Variants in NTNG2 observed in about 807,000 individuals in gnomAD.
NTNG2 encodes netrin G2.
NTNG2 carries 15 observed loss-of-function variants against 47.6 expected under a neutral mutation model. The observed-to-expected ratio is 0.32, with a 90% confidence interval of 0.21 to 0.49. The LOEUF (loss-of-function observed/expected upper bound fraction) is 0.49, where lower values mean the gene tolerates loss of function less well. Among genes scored for constraint, NTNG2 ranks in the 20% least tolerant of loss-of-function variants. NTNG2 has a pLI of 0.99. For synonymous variants in NTNG2, 307 were observed against 324.6 expected, an observed-to-expected ratio of 0.95 and a Z score of 0.58; for missense variants, 578 against 764.6, an observed-to-expected ratio of 0.76 and a Z score of 2.88.
chr9:132,191,498 G>C (rs1837883131), intron 2 of NTNG2, among the ~76,000 whole-genome samples: 1 of 152,166 alleles, frequency 6.6e-6, no homozygotes, highest in Non-Finnish European at 1.5e-5. Flanking sequence ...AGAGCTGAGA[G>C]GGAACTCAGG....
chr9:132,172,328 C>T lies in NTNG2; in HGVS notation c.213+5284C>T, dbSNP rs1224903919. On this transcript the variant is annotated intron_variant, in intron 2 of 7. Coordinates refer to ENST00000393229, the MANE Select transcript of NTNG2 (RefSeq NM_032536.4). ...GTCATCATCCTGCTTACTGACTGGCCTATCAGTGAAGAGTTCTGGCCCTAG... is the reference window on the plus strand; with the variant it reads ...GTCATCATCCTGCTTACTGACTGGCTTATCAGTGAAGAGTTCTGGCCCTAG... 2.0e-5 allele frequency among the ~76,000 whole-genome samples: 3 copies of T among 152,326 alleles called. No homozygotes were observed. In the East Asian group the frequency reaches 5.8e-4, roughly 29 times the overall value.
chr9:132,164,804 G>T (rs1345543318), intron 1 of NTNG2, among the ~76,000 whole-genome samples: 1 of 152,236 alleles, frequency 6.6e-6, no homozygotes, highest in Non-Finnish European at 1.5e-5. Context: ...AGGGGCAGGG[G>T]TCGCCCTAAC....
intron 2 of NTNG2, among the ~76,000 whole-genome samples, chr9:132,173,618 C>G (rs1174005209): frequency 6.6e-6 from 1 of 152,110 alleles, no homozygotes; most frequent in Non-Finnish European, 1.5e-5. Context: ...TCCAATCCCA[C>G]CTGCGATGGG....
intron 3 of NTNG2, among the ~76,000 whole-genome samples, chr9:132,220,805 A>C (rs1221069315): frequency 6.6e-6 from 1 of 152,044 alleles, no homozygotes; most frequent in Non-Finnish European, 1.5e-5. Context: ...ATTTTGAGTT[A>C]ATTTTTATAT....
intron 2 of NTNG2, among the ~76,000 whole-genome samples, chr9:132,194,891 G>A (rs1298522369): frequency 6.6e-6 from 1 of 152,244 alleles, no homozygotes; most frequent in Non-Finnish European, 1.5e-5. Context: ...GGTGGGGGCC[G>A]CGGGGCTGTG....
chr9:132,239,387 A>C, intron 6 of NTNG2, 116 bp downstream of exon 6: 2 of 975,192 alleles, frequency 2.1e-6, no homozygotes, highest in South Asian at 2.8e-5. Flanking sequence ...GACTGTGGGA[A>C]TTCTAACTCC....
intron 3 of NTNG2, among the ~76,000 whole-genome samples, chr9:132,210,579 G>C (rs1213177803): frequency 6.6e-6 from 1 of 152,214 alleles, no homozygotes; most frequent in African/African-American, 2.4e-5. Context: ...ACCCAGTTCT[G>C]CCTGGGCCAC....
chr9:132,174,321 C>CGGGA (rs1186957384), intron 2 of NTNG2, among the ~76,000 whole-genome samples: 2 of 130,120 alleles, frequency 1.5e-5, no homozygotes, highest in Non-Finnish European at 3.1e-5. Context: ...GACGGACGGA[C>CGGGA]GGACGGACAG....
Position 132,198,478 on chromosome 9 carries a change from C to T in NTNG2, c.726C>T (p.Gly242=), listed in dbSNP as rs1436740071. 4 of 1,610,418 alleles carry T rather than the reference C, an allele frequency of 2.5e-6. No homozygotes were observed. The highest frequency in any genetic ancestry group is 1.3e-5 in the African/African-American group (1 of 75,020). ...ACACGCGGCTGGAGAGCGCCAAGGG[C>T]CTCAAGGAGTTCTTCACCCTCACCG... ...NLYTRLESAK[G]LKEFFTLTDL... The change falls in exon 3 of 8, where the codon GGC becomes GGT. Residue 242 remains glycine (G), a synonymous_variant. Coordinates refer to ENST00000393229, the MANE Select transcript of NTNG2 (RefSeq NM_032536.4).
intron 2 of NTNG2, among the ~76,000 whole-genome samples, chr9:132,190,524 C>T (rs371038388): frequency 6.6e-6 from 1 of 152,196 alleles, no homozygotes; most frequent in East Asian, 1.9e-4. Flanking sequence ...GACCGCCCCT[C>T]CACGGCCTCC....
At position 132,167,004 on chromosome 9, in the gene NTNG2, G is replaced by A; in HGVS notation, c.173G>A (p.Gly58Asp). 5 of 1,614,266 alleles carry A rather than the reference G, an allele frequency of 3.1e-6. No individual in the cohort carries two copies. Among genetic ancestry groups the A allele is most frequent in the Non-Finnish European group, 4.2e-6 (5 of 1,180,042 alleles). The change falls in exon 2 of 8, where the codon GGC becomes GAC. Residue 58 changes from glycine (G) to aspartate (D), a missense_variant. Transcript: ENST00000393229. ...DYVKVKVEPS[G>D]ITCGDPPERF... Reference sequence around the variant, plus strand: ...GTCAAGGTGAAGGTGGAGCCCTCAGGCATCACATGTGGAGACCCCCCTGAG... The same window carrying A: ...GTCAAGGTGAAGGTGGAGCCCTCAGACATCACATGTGGAGACCCCCCTGAG...
intron 3 of NTNG2, among the ~76,000 whole-genome samples, chr9:132,216,614 A>G (rs1300771170): frequency 6.6e-6 from 1 of 152,022 alleles, no homozygotes; most frequent in African/African-American, 2.4e-5. Flanking sequence ...CTCTATGTTC[A>G]TTATTAAATC....
chr9:132,192,164 G>A (rs988907105), intron 2 of NTNG2, among the ~76,000 whole-genome samples: 2 of 152,232 alleles, frequency 1.3e-5, no homozygotes, highest in Admixed American at 6.5e-5. Context: ...CCCCCACTCA[G>A]AGGAGACACT....
At chr9:132,168,358 C>A (rs531726114) in intron 2 of NTNG2, among the ~76,000 whole-genome samples, 1 of 152,338 alleles carries the variant, frequency 6.6e-6, no homozygotes, top group African/African-American at 2.4e-5. Flanking sequence ...TTGGAGGAGC[C>A]TCCAGGTCTC....
intron 2 of NTNG2, among the ~76,000 whole-genome samples, chr9:132,174,937 A>G (rs1341829181): frequency 2.0e-5 from 3 of 149,836 alleles, no homozygotes; most frequent in Non-Finnish European, 4.4e-5. Context: ...AAAAAAGTGT[A>G]TTTTTATTTT....
chr9:132,231,272 C>T lies in NTNG2; in HGVS notation c.1054+677C>T, dbSNP rs1841197512. On this transcript the variant is annotated intron_variant, in intron 5 of 7. Coordinates refer to ENST00000393229, the MANE Select transcript of NTNG2 (RefSeq NM_032536.4). This position sits in a 1 kb window ranked among gnomAD's most constrained non-coding sequence, Gnocchi z 4.1. ...ACTGTCCCCAGACACTCACAGGGTG[C>T]CAGGCACGGTCTCTCCTTTCAGCCT... 1 of 455,924 alleles carries T rather than the reference C, an allele frequency of 2.2e-6. No homozygotes were observed. The highest frequency in any genetic ancestry group is 4.4e-6 in the Non-Finnish European group (1 of 226,632). 28.2% of individuals were successfully genotyped at this position (455,924 alleles called of 1,614,324 possible).
intron 3 of NTNG2, among the ~76,000 whole-genome samples, chr9:132,212,797 G>A (rs949529008): frequency 1.9e-4 from 29 of 152,232 alleles, no homozygotes; most frequent in African/African-American, 6.0e-4. Flanking sequence ...CCTCAAATCC[G>A]TGTGTCCCCT....
At chr9:132,210,244 C>T (rs1250983079) in intron 3 of NTNG2, among the ~76,000 whole-genome samples, 1 of 152,102 alleles carries the variant, frequency 6.6e-6, no homozygotes, top group East Asian at 1.9e-4. Flanking sequence ...CCTCAGTTTC[C>T]CCACCTGTAA....
At chr9:132,187,178 C>T (rs980845980) in intron 2 of NTNG2, among the ~76,000 whole-genome samples, 5 of 152,228 alleles carry the variant, frequency 3.3e-5, no homozygotes, top group East Asian at 1.9e-4. Context: ...GGAGCAGGGG[C>T]GGTCGCCGTG....
Sources: gnomAD v4.1 joint callset for allele counts (sites outside exome capture counted in the v4.1 genomes callset) on GRCh38, gnomAD v4.1.1 for gene constraint, Gnocchi (gnomAD v3.1) non-coding constraint, MANE v1.5 for transcripts, NCBI Gene and HGNC (gene_info 2026-07-23, HGNC 2026-07-21) for gene names.